Variants in GRM3 observed in about 807,000 individuals in gnomAD.
The protein encoded by GRM3 is glutamate metabotropic receptor 3.
GRM3 carries 26 observed loss-of-function variants against 70.5 expected under a neutral mutation model. The observed-to-expected ratio is 0.37, with a 90% CI of 0.27 to 0.51. The LOEUF is 0.51. Among genes scored for constraint, GRM3 ranks in the 20% least tolerant of loss-of-function variants. GRM3 has a pLI of 0.93. For synonymous variants in GRM3, 443 were observed against 434.9 expected (o/e 1.02, Z -0.23); for missense variants, 859 against 1,123.8 (o/e 0.76, Z 3.37).
chr7:86,645,272 G>T (rs1184893857), intron 1 of GRM3, among the ~76,000 whole-genome samples: 2 of 152,154 alleles, frequency 1.3e-5, no homozygotes, highest in Admixed American at 6.5e-5. Flanking sequence ...CGTGGATACG[G>T]GCGGTTTCAT....
chr7:86,708,402 G>A (rs779820598), intron 1 of GRM3, among the ~76,000 whole-genome samples: 11 of 152,206 alleles, frequency 7.2e-5, no homozygotes, highest in Non-Finnish European at 1.5e-4. Context: ...ACAGAAGGCA[G>A]ATGAGAAGCA....
chr7:86,645,372 A>G (rs1024274885), intron 1 of GRM3, among the ~76,000 whole-genome samples: 2 of 152,178 alleles, frequency 1.3e-5, no homozygotes, highest in African/African-American at 4.8e-5. Context: ...GGAGGCGGCC[A>G]GAGGTTTGCC....
intron 2 of GRM3, among the ~76,000 whole-genome samples, chr7:86,782,299 G>T (rs556256308): frequency 4.0e-5 from 6 of 150,034 alleles, no homozygotes; most frequent in Non-Finnish European, 8.9e-5. Context: ...CATTACTGGG[G>T]ACAAACTCCA....
chr7:86,758,419 G>A lies in GRM3; in HGVS notation c.-140-6587G>A, dbSNP rs187128829. On this transcript the variant is annotated intron_variant, in intron 1 of 5. Transcript: ENST00000361669. The stretch of plus-strand genomic sequence containing the variant: ...CAGCTTGGAAGAGGTAAAGGACAAA[G>A]GTGGATCACAGGGAATTTGGAGAGG... 2.6e-3 allele frequency among the ~76,000 whole-genome samples: 394 copies of A among 152,260 alleles called. 2 individuals carry two copies. The highest frequency in any genetic ancestry group is 2.4e-3 in the Non-Finnish European group (164 of 68,020).
intron 3 of GRM3, among the ~76,000 whole-genome samples, chr7:86,836,091 T>A (rs908876193): frequency 2.0e-5 from 3 of 152,200 alleles, no homozygotes; most frequent in Admixed American, 2.0e-4. Context: ...TGTCAGTTTG[T>A]CAATTATTAA....
chr7:86,715,662 G>A (rs1370031429), intron 1 of GRM3, among the ~76,000 whole-genome samples: 1 of 151,948 alleles, frequency 6.6e-6, no homozygotes, highest in African/African-American at 2.4e-5. Context: ...GCTCTAGATA[G>A]TGGACTCTAA....
chr7:86,797,127 T>C (rs112816558), intron 3 of GRM3, among the ~76,000 whole-genome samples: 8,149 of 152,214 alleles, frequency 0.054, 700 homozygotes, highest in African/African-American at 0.18. Flanking sequence ...ATACAATAAA[T>C]TGGTACCAGT....
At chr7:86,675,261 C>T (rs920003602) in intron 1 of GRM3, among the ~76,000 whole-genome samples, 1 of 151,962 alleles carries the variant, frequency 6.6e-6, no homozygotes, top group East Asian at 1.9e-4. Flanking sequence ...TGGAATGATA[C>T]CACCATTTTC....
At chr7:86,782,594 C>A (rs891394555) in intron 2 of GRM3, among the ~76,000 whole-genome samples, 1 of 152,178 alleles carries the variant, frequency 6.6e-6, no homozygotes, top group African/African-American at 2.4e-5. Flanking sequence ...TCACATTCTG[C>A]GCTTTAGCGT....
At chr7:86,663,652 G>C (rs1793953780) in intron 1 of GRM3, among the ~76,000 whole-genome samples, 1 of 151,884 alleles carries the variant, frequency 6.6e-6, no homozygotes, top group South Asian at 2.1e-4. Flanking sequence ...TGAAGAAGTA[G>C]TCTTGGGGGC....
At chr7:86,862,618 G>C (rs1384812033) in intron 5 of GRM3, among the ~76,000 whole-genome samples, 2 of 152,098 alleles carry the variant, frequency 1.3e-5, no homozygotes, top group African/African-American at 4.8e-5. Flanking sequence ...AAAAGAGTTA[G>C]CATGTTGCAT....
chr7:86,821,277 G>C (rs1798114899), intron 3 of GRM3, among the ~76,000 whole-genome samples: 1 of 151,508 alleles, frequency 6.6e-6, no homozygotes, highest in South Asian at 2.1e-4. Flanking sequence ...AACTGCTATA[G>C]CTCATATAAT....
rs568084270 is a variant in GRM3 at position 86,665,283 on chromosome 7, T to C, written c.-141+20411T>C. On this transcript the variant is annotated intron_variant, in intron 1 of 5. Coordinates refer to ENST00000361669, the MANE Select transcript of GRM3 (RefSeq NM_000840.3). The stretch of plus-strand genomic sequence containing the variant: ...ATAAGCTATCCTATCCTGAAAGTCA[T>C]ATTAAATTTCTCCAGACTTCAATAT... Among the ~76,000 whole-genome samples the C allele has an allele frequency of 2.6e-5, 4 of 152,176 alleles. No individual in the cohort carries two copies. The South Asian group carries it at 8.3e-4, about 32-fold the overall frequency.
intron 1 of GRM3, among the ~76,000 whole-genome samples, chr7:86,744,612 T>C (rs1471845732): frequency 6.6e-6 from 1 of 151,924 alleles, no homozygotes; most frequent in Non-Finnish European, 1.5e-5. Flanking sequence ...ATATCTACAA[T>C]GTGAGGTTAG....
chr7:86,712,528 C>T (rs564227058), intron 1 of GRM3, among the ~76,000 whole-genome samples: 2 of 152,026 alleles, frequency 1.3e-5, no homozygotes, highest in South Asian at 4.2e-4. Context: ...TTGAAATGTA[C>T]AATAGATTAT....
intron 1 of GRM3, among the ~76,000 whole-genome samples, chr7:86,677,406 C>T (rs1190955608): frequency 3.9e-5 from 6 of 151,976 alleles, no homozygotes; most frequent in African/African-American, 1.4e-4. Flanking sequence ...AGACCTTCTT[C>T]CCATCACCTG....
intron 4 of GRM3, among the ~76,000 whole-genome samples, chr7:86,841,883 G>A (rs1405698546): frequency 1.3e-5 from 2 of 152,144 alleles, no homozygotes; most frequent in African/African-American, 4.8e-5. Flanking sequence ...GAAGTCATAA[G>A]GCAAATGAAA....
At chr7:86,815,485 T>C (rs1280984552) in intron 3 of GRM3, among the ~76,000 whole-genome samples, 4 of 151,890 alleles carry the variant, frequency 2.6e-5, no homozygotes, top group Admixed American at 6.6e-5. Flanking sequence ...CCCCAACTTA[T>C]ACAAAAGAAA....
At chr7:86,857,026 A>G (rs2237567) in intron 5 of GRM3, among the ~76,000 whole-genome samples, 2,502 of 152,096 alleles carry the variant, frequency 0.016, 52 homozygotes, top group East Asian at 0.092. Flanking sequence ...AAAGGCTGCT[A>G]TATTGTTCCT....
Sources: allele counts gnomAD v4.1 joint callset (sites outside exome capture counted in the v4.1 genomes callset), GRCh38; gene constraint gnomAD v4.1.1; transcripts MANE v1.5; gene names NCBI Gene and HGNC (gene_info 2026-07-23, HGNC 2026-07-21).